Variants in NDUFAF7 observed in about 807,000 individuals in gnomAD.
The protein encoded by NDUFAF7 is NADH:ubiquinone oxidoreductase complex assembly factor 7.
NDUFAF7 carries 48 observed loss-of-function variants against 47.2 expected under a neutral mutation model. The ratio of observed to expected loss-of-function variants is 1.02; its 90% CI spans 0.81 to 1.29. NDUFAF7 has a LOEUF of 1.29. Ranked by LOEUF, NDUFAF7 falls within the 50% of genes most tolerant of loss-of-function variation. NDUFAF7 has a pLI of 0.00. For missense variants in NDUFAF7, 635 were observed against 537.6 expected, an observed-to-expected ratio of 1.18 and a Z score of -1.79; for synonymous variants, 217 against 190.0, an observed-to-expected ratio of 1.14 and a Z score of -1.17.
At position 37,247,383 on chromosome 2, in the gene NDUFAF7, A is replaced by G. The variant is rs1667040842; in HGVS notation, c.937-73A>G. On this transcript the variant is annotated intron_variant, in intron 8 of 9. Transcript: ENST00000002125. ...CAAGCATTAATGTAAATATTAAATA[A>G]CTTTAATATGATAGCATTTCTTTAA... The G allele has an allele frequency of 2.7e-6, 4 of 1,507,812 alleles. No homozygotes were observed. In the South Asian group the frequency reaches 4.6e-5, roughly 17 times the overall value. 93.4% of individuals were successfully genotyped at this position (1,507,812 alleles called of 1,614,324 possible). A position where few individuals can be genotyped will look rare whatever the true frequency, so the allele number is the denominator to read the frequency against.
At chr2:37,267,484 CATCTT>C in the NDUFAF7 span, 4 of 1,611,312 alleles carry the variant, frequency 2.5e-6, no homozygotes, top group South Asian at 1.1e-5. Flanking sequence ...TGGGGAATCT[CATCTT>C]ATCAATTACT....
At chr2:37,250,740 C>T (rs912648517), downstream of NDUFAF7, 7 of 152,166 alleles carry the variant, frequency 4.6e-5, no homozygotes, top group African/African-American at 1.7e-4. Flanking sequence ...TATTATCAAG[C>T]TTCCAGTATA....
Position 37,231,661 on chromosome 2 carries a change from T to C in NDUFAF7, c.-45T>C, listed in dbSNP as rs374025647. ...GGCGTGTCTTCTCCCGGAAATGGTC[T>C]AAGCCCCAGCTCCTGGCGGAGCGAG... On this transcript the variant is annotated 5_prime_UTR_variant, in exon 1 of 10. Coordinates refer to ENST00000002125, the MANE Select transcript of NDUFAF7 (RefSeq NM_144736.5). The C allele has an allele frequency of 3.1e-6, 5 of 1,614,004 alleles. No individual in the cohort carries two copies. The highest frequency in any genetic ancestry group is 4.2e-6 in the Non-Finnish European group (5 of 1,179,952).
chr2:37,257,199 G>A (rs553808959), downstream of NDUFAF7, among the ~76,000 whole-genome samples: 1 of 152,208 alleles, frequency 6.6e-6, no homozygotes, highest in South Asian at 2.1e-4. Context: ...TACCAGACTG[G>A]TGTTATAAGT....
intron 2 of NDUFAF7, among the ~76,000 whole-genome samples, chr2:37,233,603 C>T (rs964415725): frequency 1.4e-5 from 2 of 138,852 alleles, no homozygotes; most frequent in Non-Finnish European, 3.0e-5. Flanking sequence ...GCCTGGGCAA[C>T]AGAGCGAGAC....
downstream of NDUFAF7, chr2:37,254,213 G>A (rs748993443): frequency 3.1e-6 from 5 of 1,609,374 alleles, no homozygotes; most frequent in Non-Finnish European, 3.4e-6. Context: ...CCTGTAGCCA[G>A]GGATGACTAA....
the NDUFAF7 span, among the ~76,000 whole-genome samples, chr2:37,267,262 A>C: frequency 6.6e-6 from 1 of 152,046 alleles, no homozygotes; most frequent in Admixed American, 6.5e-5. Context: ...TACTCACGAA[A>C]ATGTGTTCTA....
chr2:37,248,019 A>G (rs1667108343), intron 9 of NDUFAF7, 116 bp from the exon 10 acceptor site: 2 of 849,528 alleles, frequency 2.4e-6, no homozygotes, highest in Admixed American at 4.2e-5. Context: ...GCAGGTAATC[A>G]GAAGTCACAT....
Position 37,242,659 on chromosome 2 carries a change from A to G in NDUFAF7, c.647A>G (p.Glu216Gly). The G allele has an allele frequency of 1.2e-6, 2 of 1,602,284 alleles. No individual in the cohort carries two copies. Among genetic ancestry groups the G allele is most frequent in the Non-Finnish European group, 1.7e-6 (2 of 1,169,648 alleles). ...GGGTACAGCTTTTATCTTGCACATGAATTTTTTGATGTTCTTCCTGTGCAT... is the reference window on the plus strand; with the variant it reads ...GGGTACAGCTTTTATCTTGCACATGGATTTTTTGATGTTCTTCCTGTGCAT... ...PKGYSFYLAH[E>G]FFDVLPVHKF... The change falls in exon 6 of 10, where the codon GAA becomes GGA. Residue 216 changes from glutamate (E) to glycine (G), a missense_variant. Transcript: ENST00000002125.
At chr2:37,241,460 A>T in intron 4 of NDUFAF7, 118 bp from the exon 5 acceptor site, 1 of 856,942 alleles carries the variant, frequency 1.2e-6, no homozygotes, top group East Asian at 2.6e-5. Context: ...TGGGTAAGGA[A>T]CACATCTCTC....
At chr2:37,234,563 G>A (rs559189798) in intron 2 of NDUFAF7, among the ~76,000 whole-genome samples, 33 of 148,968 alleles carry the variant, frequency 2.2e-4, no homozygotes, top group East Asian at 6.6e-4. Flanking sequence ...ACAAAAAAGC[G>A]TAAATACCCC....
the NDUFAF7 span, among the ~76,000 whole-genome samples, chr2:37,262,681 TC>T: frequency 0.25 from 37,954 of 151,714 alleles, 5,287 homozygotes; most frequent in East Asian, 0.48. Flanking sequence ...CTATGCTTTT[TC>T]CCCCCTGCCC....
At chr2:37,244,992 T>A (rs1490986176) in intron 7 of NDUFAF7, among the ~76,000 whole-genome samples, 3 of 152,214 alleles carry the variant, frequency 2.0e-5, no homozygotes, top group Non-Finnish European at 4.4e-5. Flanking sequence ...AAGAGTAGCC[T>A]AAGATAGAAT....
At chr2:37,264,739 T>TG in the NDUFAF7 span, among the ~76,000 whole-genome samples, 10 of 151,960 alleles carry the variant, frequency 6.6e-5, 1 homozygote, top group South Asian at 2.1e-4. Context: ...TGGCTATTTT[T>TG]GGGGGGGAAA....
chr2:37,254,238 C>A, downstream of NDUFAF7: 2 of 1,613,420 alleles, frequency 1.2e-6, no homozygotes. Flanking sequence ...TTTGTCAACA[C>A]TGTAACGTTT....
intron 5 of NDUFAF7, 117 bp downstream of exon 5, chr2:37,241,908 AT>A: frequency 1.1e-6 from 1 of 885,850 alleles, no homozygotes; most frequent in Non-Finnish European, 1.7e-6. Flanking sequence ...CAAGTCCCTT[AT>A]CCATAGAGAG....
the NDUFAF7 span, chr2:37,267,654 G>A: frequency 1.3e-6 from 1 of 781,798 alleles, no homozygotes; most frequent in Non-Finnish European, 2.1e-6. Flanking sequence ...GCTCATTTTT[G>A]TTCTTTCTCC....
chr2:37,270,368 A>AAC, the NDUFAF7 span, among the ~76,000 whole-genome samples: 1 of 150,866 alleles, frequency 6.6e-6, no homozygotes, highest in Non-Finnish European at 1.5e-5. Flanking sequence ...AAAAAAAAAA[A>AAC]CTCAAAAGTT....
chr2:37,239,344 C>T (rs1392736729), intron 4 of NDUFAF7, among the ~76,000 whole-genome samples: 1 of 152,146 alleles, frequency 6.6e-6, no homozygotes, highest in Non-Finnish European at 1.5e-5. Context: ...ATCTTGAACT[C>T]TTGGCTTGAA....
Sources: gnomAD v4.1 joint callset for allele counts (sites outside exome capture counted in the v4.1 genomes callset) on GRCh38, gnomAD v4.1.1 for gene constraint, MANE v1.5 for transcripts, NCBI Gene and HGNC (gene_info 2026-07-23, HGNC 2026-07-21) for gene names.